Variants in ONECUT1 observed in about 807,000 individuals in gnomAD.
ONECUT1 encodes the protein hepatocyte nuclear factor 6.
Under a neutral mutation model 25.6 loss-of-function variants are expected in ONECUT1, and 12 were observed. The observed-to-expected ratio is 0.47, with a 90% CI of 0.30 to 0.76. The LOEUF (loss-of-function observed/expected upper bound fraction) is 0.76, where lower values mean the gene tolerates loss of function less well. Among genes scored for constraint, ONECUT1 ranks in the 30% least tolerant of loss-of-function variants. The pLI, the probability that ONECUT1 is intolerant of heterozygous loss-of-function variation, is 0.07. For synonymous variants in ONECUT1, 285 were observed against 270.2 expected (o/e 1.05, Z -0.54); for missense variants, 620 against 651.2 (o/e 0.95, Z 0.52).
intron 1 of ONECUT1, among the ~76,000 whole-genome samples, chr15:52,779,470 G>T (rs756943331): frequency 6.6e-6 from 1 of 152,150 alleles, no homozygotes; most frequent in Non-Finnish European, 1.5e-5. Flanking sequence ...ATAAAGACGG[G>T]TGATATTATT....
chr15:52,765,742 A>C (rs922581271), intron 1 of ONECUT1, among the ~76,000 whole-genome samples: 4 of 152,214 alleles, frequency 2.6e-5, no homozygotes, highest in African/African-American at 9.6e-5. Context: ...GTCCTAGGTC[A>C]GAATGTTATC....
At chr15:52,757,927 G>A (rs866317374) in intron 1 of ONECUT1, 80 bp from the exon 2 acceptor site, 4 of 1,473,972 alleles carry the variant, frequency 2.7e-6, no homozygotes, top group Non-Finnish European at 3.7e-6. Context: ...CATAAAATTT[G>A]TTAGCCATTC....
rs555408055 is a variant in ONECUT1 at position 52,789,355 on chromosome 15, T to C, written c.530A>G (p.Gln177Arg). The C allele has an allele frequency of 3.1e-6, 5 of 1,605,096 alleles. No individual in the cohort carries two copies. The South Asian group carries it at 5.6e-5, about 18-fold the overall frequency. The change falls in exon 1 of 2, where the codon CAG becomes CGG. Residue 177 changes from glutamine (Q) to arginine (R), a missense_variant. By Grantham distance (43) the Gln-to-Arg change is conservative. Transcript: ENST00000305901. The surrounding 1 kb of genome is among the most constrained non-coding windows in gnomAD (Gnocchi z 4.1). ...GGAGCTGGAGAGGGGCGAGAGGCTC[T>C]GGCCCATGCCGGCCACGTCCTTGTG... ...PYHKDVAGMGQSLSPLSSSGL... is the reference protein window; with the variant it reads ...PYHKDVAGMGRSLSPLSSSGL...
intron 1 of ONECUT1, among the ~76,000 whole-genome samples, chr15:52,777,820 G>C (rs371364750): frequency 6.6e-6 from 1 of 151,640 alleles, no homozygotes; most frequent in Admixed American, 6.6e-5. Context: ...TTCCATTCCC[G>C]GTCCTGAGCA....
At chr15:52,786,686 C>T (rs566067551) in intron 1 of ONECUT1, among the ~76,000 whole-genome samples, 1 of 152,230 alleles carries the variant, frequency 6.6e-6, no homozygotes, top group Non-Finnish European at 1.5e-5. Flanking sequence ...ATGTAGCTCT[C>T]CACGCTTGGA....
chr15:52,767,667 A>G (rs1386078980), intron 1 of ONECUT1, among the ~76,000 whole-genome samples: 2 of 152,296 alleles, frequency 1.3e-5, no homozygotes, highest in East Asian at 1.9e-4. Context: ...GCAAAGGGCA[A>G]TAGGTCTCTT....
intron 1 of ONECUT1, among the ~76,000 whole-genome samples, chr15:52,770,291 G>A (rs1180483755): frequency 1.3e-5 from 2 of 152,322 alleles, no homozygotes; most frequent in Non-Finnish European, 2.9e-5. Context: ...ATTCAGTCTC[G>A]CAGAGGCCTA....
intron 1 of ONECUT1, among the ~76,000 whole-genome samples, chr15:52,770,768 A>G (rs2083762493): frequency 6.6e-6 from 1 of 152,270 alleles, no homozygotes; most frequent in African/African-American, 2.4e-5. Flanking sequence ...AAAATTGAGA[A>G]GCAGTTGTAA....
At position 52,784,544 on chromosome 15, in the gene ONECUT1, G is replaced by T. The variant is rs562605331; in HGVS notation, c.1105+4236C>A. ...CCCTGCCCCAGCCATAGCGGTTCCAGTCGTCGCCACGAGCCCACTTCTTAT... is the reference window on the plus strand; with the variant it reads ...CCCTGCCCCAGCCATAGCGGTTCCATTCGTCGCCACGAGCCCACTTCTTAT... On this transcript the variant is annotated intron_variant, in intron 1 of 1. Transcript: ENST00000305901. This position sits in a 1 kb window ranked among gnomAD's most constrained non-coding sequence, Gnocchi z 5.0. Among the ~76,000 whole-genome samples, 167 of 152,298 alleles carry T rather than the reference G, an allele frequency of 1.1e-3. 1 individual carries two copies. Among genetic ancestry groups the T allele is most frequent in the African/African-American group, 3.8e-3 (160 of 41,570 alleles).
rs900995410 is a variant in ONECUT1, at chr15:52,789,787, T to C, written c.98A>G (p.His33Arg). Reference sequence around the variant, plus strand: ...GCGGTGCGCCACGGAGCTGCGCGCGTGGGGGCTGCCGCCCAGCAGGTCGGC... The same window carrying C: ...GCGGTGCGCCACGGAGCTGCGCGCGCGGGGGCTGCCGCCCAGCAGGTCGGC... ...APADLLGGSP[H>R]ARSSVAHRGS... The change falls in exon 1 of 2, where the codon CAC (histidine) becomes CGC (arginine). Residue 33 changes from histidine (H) to arginine (R), a missense_variant. His to Arg is a conservative substitution (Grantham distance 29). This residue lies in a region of ONECUT1 where 440 missense variants were observed against 404.9 expected (regional missense o/e 1.09). Coordinates refer to ENST00000305901, the MANE Select transcript of ONECUT1 (RefSeq NM_004498.4). The surrounding 1 kb of genome is among the most constrained non-coding windows in gnomAD (Gnocchi z 4.1). 2 of 1,450,128 alleles carry C rather than the reference T, an allele frequency of 1.4e-6. No individual in the cohort carries two copies. Among genetic ancestry groups the C allele is most frequent in the African/African-American group, 1.5e-5 (1 of 67,466 alleles). 89.8% of individuals were successfully genotyped at this position (1,450,128 alleles called of 1,614,324 possible).
At chr15:52,770,765 A>C (rs370913038) in intron 1 of ONECUT1, among the ~76,000 whole-genome samples, 3 of 152,266 alleles carry the variant, frequency 2.0e-5, no homozygotes, top group African/African-American at 7.2e-5. Context: ...ACAAAAATTG[A>C]GAAGCAGTTG....
rs75223709 is a variant in ONECUT1, at chr15:52,778,296, A to G, written c.1105+10484T>C. ...GTTTATTACTCATTTTTTTAAAAAT[A>G]GTTTTTATATATCATGATTTATTTA... On this transcript the variant is annotated intron_variant, in intron 1 of 1. Transcript: ENST00000305901. Among the ~76,000 whole-genome samples, 1,695 of 152,272 alleles carry G rather than the reference A, an allele frequency of 0.011. 62 individuals are homozygous for G. In the East Asian group the frequency reaches 0.11, roughly 10 times the overall value.
At chr15:52,786,669 C>T (rs2083877074) in intron 1 of ONECUT1, among the ~76,000 whole-genome samples, 1 of 152,248 alleles carries the variant, frequency 6.6e-6, no homozygotes, top group Admixed American at 6.5e-5. Context: ...GTCCCCTGAG[C>T]TCGGCTATGT....
rs2083675492 is a variant in ONECUT1 at position 52,756,724 on chromosome 15, T to A, written c.*831A>T. On this transcript the variant is annotated 3_prime_UTR_variant, in exon 2 of 2. Coordinates refer to ENST00000305901, the MANE Select transcript of ONECUT1 (RefSeq NM_004498.4). ...ATGCTTCAAGAGTCATAAATAATAGTCATGATTCTATGTGGCATGTGTATT... is the reference window on the plus strand; with the variant it reads ...ATGCTTCAAGAGTCATAAATAATAGACATGATTCTATGTGGCATGTGTATT... 1.3e-5 allele frequency among the ~76,000 whole-genome samples: 2 copies of A among 152,248 alleles called. No homozygotes were observed. Among genetic ancestry groups the A allele is most frequent in the South Asian group, 4.1e-4 (2 of 4,834 alleles).
intron 1 of ONECUT1, among the ~76,000 whole-genome samples, chr15:52,779,860 G>T (rs1042738474): frequency 1.3e-5 from 2 of 152,216 alleles, no homozygotes; most frequent in African/African-American, 4.8e-5. Flanking sequence ...GCGCTCTCCA[G>T]AGTATGCATA....
intron 1 of ONECUT1, among the ~76,000 whole-genome samples, chr15:52,785,333 GC>G (rs1351923010): frequency 6.6e-6 from 1 of 152,080 alleles, no homozygotes; most frequent in Non-Finnish European, 1.5e-5. Flanking sequence ...TCTCATGGCC[GC>G]CCCCCGACCG....
chr15:52,786,831 C>A (rs144169782), intron 1 of ONECUT1, among the ~76,000 whole-genome samples: 4 of 143,138 alleles, frequency 2.8e-5, no homozygotes, highest in African/African-American at 1.0e-4. Context: ...GAGCAAGAGC[C>A]TCCAGGGGGC....
intron 1 of ONECUT1, among the ~76,000 whole-genome samples, chr15:52,761,245 G>C (rs994093799): frequency 6.6e-6 from 1 of 152,140 alleles, no homozygotes; most frequent in African/African-American, 2.4e-5. Context: ...TCCTCCTTCT[G>C]TCCAGTCTTA....
chr15:52,776,012 C>G (rs1210456805), intron 1 of ONECUT1, among the ~76,000 whole-genome samples: 1 of 152,216 alleles, frequency 6.6e-6, no homozygotes, highest in Non-Finnish European at 1.5e-5. Flanking sequence ...CTTCAGGGCT[C>G]CTTGTACCCA....
Sources: allele counts gnomAD v4.1 joint callset (sites outside exome capture counted in the v4.1 genomes callset), GRCh38; gene constraint gnomAD v4.1.1; regional missense constraint gnomAD v4.1.1; non-coding constraint Gnocchi (gnomAD v3.1); transcripts MANE v1.5; gene names NCBI Gene and HGNC (gene_info 2026-07-23, HGNC 2026-07-21).